Variants in DNMT3A observed in about 807,000 individuals in gnomAD.
DNMT3A encodes DNA (cytosine-5)-methyltransferase 3A.
In DNMT3A, 267 loss-of-function variants were observed where a neutral mutation model predicts 117.6. The ratio of observed to expected loss-of-function variants is 2.27; its 90% CI spans 2.05 to 2.51. The LOEUF (loss-of-function observed/expected upper bound fraction) is 2.51, where lower values mean the gene tolerates loss of function less well. Among genes scored for constraint, DNMT3A ranks in the 30% most tolerant of loss-of-function variants. The pLI, the probability that DNMT3A is intolerant of heterozygous loss-of-function variation, is 0.00. For missense variants in DNMT3A, 1,029 were observed against 1,260.2 expected, an observed-to-expected ratio of 0.82 and a Z score of 2.78; for synonymous variants, 432 against 474.8, an observed-to-expected ratio of 0.91 and a Z score of 1.17.
intron 2 of DNMT3A, among the ~76,000 whole-genome samples, chr2:25,301,261 T>C: frequency 1.6e-5 from 1 of 61,294 alleles, no homozygotes; most frequent in South Asian, 5.6e-4. Flanking sequence ...AGAGCGAGAC[T>C]GTCTCAAAAA....
At chr2:25,340,313 A>C (rs1273776769) in intron 1 of DNMT3A, among the ~76,000 whole-genome samples, 1 of 152,012 alleles carries the variant, frequency 6.6e-6, no homozygotes, top group Non-Finnish European at 1.5e-5. Flanking sequence ...CGTGCAGCGG[A>C]GAGAGGGTGC....
intron 6 of DNMT3A, among the ~76,000 whole-genome samples, chr2:25,268,596 G>A (rs1474532335): frequency 6.6e-6 from 1 of 152,120 alleles, no homozygotes; most frequent in African/African-American, 2.4e-5. Flanking sequence ...TTGGGAGGAG[G>A]AACTGCCCTA....
At chr2:25,295,942 A>G (rs1203043583) in intron 3 of DNMT3A, among the ~76,000 whole-genome samples, 1 of 152,222 alleles carries the variant, frequency 6.6e-6, no homozygotes, top group Non-Finnish European at 1.5e-5. Context: ...TGCATTTTCA[A>G]ACTGTCAGGG....
rs989927455 is a variant in DNMT3A, at chr2:25,293,747, C to T, written c.177+6392G>A. On this transcript the variant is annotated intron_variant, in intron 3 of 22. Coordinates refer to ENST00000321117, the MANE Select transcript of DNMT3A (RefSeq NM_022552.5). This position sits in a 1 kb window ranked among gnomAD's most constrained non-coding sequence, Gnocchi z 4.7. Reference sequence around the variant, plus strand: ...AGTGCAGTGGCACAATCTCGGCTCACTGCAACCTCTGCCTGCCCAGGTTCA... The same window carrying T: ...AGTGCAGTGGCACAATCTCGGCTCATTGCAACCTCTGCCTGCCCAGGTTCA... Among the ~76,000 whole-genome samples, 3 of 152,206 alleles carry T rather than the reference C, an allele frequency of 2.0e-5. No individual in the cohort carries two copies. The highest frequency in any genetic ancestry group is 4.4e-5 in the Non-Finnish European group (3 of 68,030).
intron 1 of DNMT3A, among the ~76,000 whole-genome samples, chr2:25,319,424 A>T (rs1344538319): frequency 4.3e-4 from 66 of 152,164 alleles, no homozygotes; most frequent in Admixed American, 4.3e-3. Context: ...TGCTGGGATT[A>T]CAGGCGTAAG....
rs2149378294 is a variant in DNMT3A at position 25,282,312 on chromosome 2, G to A, written c.448+129C>T. 6.7e-7 allele frequency: 1 copy of A among 1,490,616 alleles called. No homozygotes were observed. Among genetic ancestry groups the A allele is most frequent in the Non-Finnish European group, 9.0e-7 (1 of 1,114,172 alleles). The allele number at this position is 1,490,616 out of a possible 1,614,324, so 92.3% of individuals were successfully genotyped here. A position where few individuals can be genotyped will look rare whatever the true frequency, so the allele number is the denominator to read the frequency against. On this transcript the variant is annotated intron_variant, in intron 4 of 22. Coordinates refer to ENST00000321117, the MANE Select transcript of DNMT3A (RefSeq NM_022552.5). The surrounding 1 kb of genome is among the most constrained non-coding windows in gnomAD (Gnocchi z 5.2). ...TCCAGCCAGTAGCCTCCAGGCCATA[G>A]CCTTGGCAAGCAGACCTTTAGCCAC...
intron 1 of DNMT3A, chr2:25,314,754 A>C (rs573584413): frequency 1.0e-6 from 1 of 969,688 alleles, no homozygotes; most frequent in Non-Finnish European, 1.2e-6. Context: ...GGCCACGGCC[A>C]AGGCCACAGG....
chr2:25,264,851 A>G (rs1215595777), intron 6 of DNMT3A, among the ~76,000 whole-genome samples: 1 of 152,238 alleles, frequency 6.6e-6, no homozygotes, highest in Non-Finnish European at 1.5e-5. Flanking sequence ...TATTTAATTT[A>G]GAATTTATGT....
intron 3 of DNMT3A, among the ~76,000 whole-genome samples, chr2:25,291,814 G>A (rs2032785180): frequency 6.6e-6 from 1 of 152,258 alleles, no homozygotes; most frequent in South Asian, 2.1e-4. Context: ...GCAAATGGAT[G>A]CCAGAATGAC....
At chr2:25,235,847 G>A in intron 21 of DNMT3A, 22 bp from the exon 22 acceptor site, 1 of 1,599,670 alleles carries the variant, frequency 6.3e-7, no homozygotes, top group Non-Finnish European at 8.6e-7. Context: ...GGAGAAAAGA[G>A]GAATAAGCAC....
chr2:25,329,703 A>C (rs1004657728), intron 1 of DNMT3A, among the ~76,000 whole-genome samples: 1 of 151,368 alleles, frequency 6.6e-6, no homozygotes, highest in African/African-American at 2.4e-5. Context: ...ACACACACAC[A>C]CACACACACA....
chr2:25,270,473 G>T (rs2030769827), intron 6 of DNMT3A, among the ~76,000 whole-genome samples: 1 of 152,222 alleles, frequency 6.6e-6, no homozygotes, highest in East Asian at 1.9e-4. Flanking sequence ...TGCCCTGAAT[G>T]AAAGGTTGCA....
At position 25,269,318 on chromosome 2, in the gene DNMT3A, A is replaced by C. The variant is rs555772264; in HGVS notation, c.639+5623T>G. On this transcript the variant is annotated intron_variant, in intron 6 of 22. Transcript: ENST00000321117. ...CACCCCAGCCTGGGAGACAGAGTGAAACTGTCTCAGACAAACAAACAAACC... is the reference window on the plus strand; with the variant it reads ...CACCCCAGCCTGGGAGACAGAGTGACACTGTCTCAGACAAACAAACAAACC... 3.9e-5 allele frequency among the ~76,000 whole-genome samples: 6 copies of C among 152,334 alleles called. No individual in the cohort carries two copies. In the East Asian group the frequency reaches 9.7e-4, roughly 25 times the overall value.
chr2:25,244,438 A>G (rs941202101), intron 14 of DNMT3A, 100 bp from the exon 15 acceptor site: 13 of 1,333,892 alleles, frequency 9.7e-6, no homozygotes, highest in East Asian at 3.2e-5. Context: ...GAGCATGGCT[A>G]GGGGGTGGAG....
chr2:25,246,497 G>A (rs543472986), intron 10 of DNMT3A, 123 bp downstream of exon 10: 19 of 1,465,750 alleles, frequency 1.3e-5, no homozygotes, highest in Middle Eastern at 2.4e-4. Flanking sequence ...GAGAGACCCC[G>A]GCTGTTCCCA....
chr2:25,242,259 A>C (rs1204274724), intron 16 of DNMT3A, among the ~76,000 whole-genome samples: 1 of 152,026 alleles, frequency 6.6e-6, no homozygotes, highest in African/African-American at 2.4e-5. Flanking sequence ...TGGATTGCAA[A>C]GGCTCTTCCA....
chr2:25,247,944 G>T lies in DNMT3A; in HGVS notation c.855+93C>A. 6.4e-7 allele frequency: 1 copy of T among 1,571,870 alleles called. No individual in the cohort carries two copies. ...GTCAGGTGGAGAGAGCGAGCGGCCC[G>T]TGGGAGATGGAGAGAGGAGAGCAGG... On this transcript the variant is annotated intron_variant, in intron 7 of 22. Coordinates refer to ENST00000321117, the MANE Select transcript of DNMT3A (RefSeq NM_022552.5). This position sits in a 1 kb window ranked among gnomAD's most constrained non-coding sequence, Gnocchi z 5.6.
chr2:25,304,546 G>A lies in DNMT3A; in HGVS notation c.73-4303C>T, dbSNP rs562360788. 3.3e-5 allele frequency among the ~76,000 whole-genome samples: 5 copies of A among 152,308 alleles called. No individual in the cohort carries two copies. Among genetic ancestry groups the A allele is most frequent in the Non-Finnish European group, 5.9e-5 (4 of 68,034 alleles). ...CCAACATCTGGCGGGCGCTCTTGCC[G>A]CAAGATATGTGGCAATACTGGGGCT... On this transcript the variant is annotated intron_variant, in intron 2 of 22. Coordinates refer to ENST00000321117, the MANE Select transcript of DNMT3A (RefSeq NM_022552.5). The surrounding 1 kb of genome is among the most constrained non-coding windows in gnomAD (Gnocchi z 4.3).
intron 6 of DNMT3A, among the ~76,000 whole-genome samples, chr2:25,274,422 C>T (rs998228284): frequency 2.6e-5 from 4 of 152,226 alleles, no homozygotes; most frequent in Admixed American, 1.3e-4. Context: ...TGTGGAGCCC[C>T]GCCTGCCTCT....
Sources: gnomAD v4.1 joint callset for allele counts (sites outside exome capture counted in the v4.1 genomes callset) on GRCh38, gnomAD v4.1.1 for gene constraint, Gnocchi (gnomAD v3.1) non-coding constraint, MANE v1.5 for transcripts, NCBI Gene and HGNC (gene_info 2026-07-23, HGNC 2026-07-21) for gene names.